Variants in SEC14L4 observed in about 807,000 individuals in gnomAD.
SEC14L4 encodes the protein SEC14 like lipid binding 4.
In SEC14L4, 42 loss-of-function variants were observed where a neutral mutation model predicts 55.1. The observed-to-expected ratio is 0.76, with a 90% CI of 0.60 to 0.99. The LOEUF is 0.99. Among genes scored for constraint, SEC14L4 ranks in the 50% least tolerant of loss-of-function variants. The probability of loss-of-function intolerance (pLI) is 0.00; values close to 1 mark genes in which losing one functional copy is unlikely to be tolerated. For synonymous variants in SEC14L4, 206 were observed against 206.8 expected (o/e 1.00, Z 0.03); for missense variants, 445 against 512.1 (o/e 0.87, Z 1.27).
At chr22:30,501,125 G>A (rs770226663) in intron 2 of SEC14L4, among the ~76,000 whole-genome samples, 2 of 152,104 alleles carry the variant, frequency 1.3e-5, no homozygotes, top group Admixed American at 6.5e-5. Context: ...CATGAGGCCC[G>A]GGAGAGGGTC....
At chr22:30,496,788 A>G (rs537641315) in intron 2 of SEC14L4, among the ~76,000 whole-genome samples, 4 of 152,340 alleles carry the variant, frequency 2.6e-5, no homozygotes, top group South Asian at 4.1e-4. Flanking sequence ...TGTTTGGCCC[A>G]ATACCTGGCT....
At chr22:30,493,194 C>T (rs888163964) in intron 7 of SEC14L4, among the ~76,000 whole-genome samples, 1 of 152,044 alleles carries the variant, frequency 6.6e-6, no homozygotes, top group African/African-American at 2.4e-5. Flanking sequence ...AATATTGATT[C>T]CCCAACAGTA....
chr22:30,492,060 A>G lies in SEC14L4; in HGVS notation c.760T>C (p.Cys254Arg). The change falls in exon 9 of 12, where the codon TGC becomes CGC. Residue 254 changes from cysteine to arginine, a missense_variant. Physicochemically the swap from Cys to Arg is radical, Grantham distance 180 (BLOSUM62 -3). Coordinates refer to ENST00000255858, the MANE Select transcript of SEC14L4 (RefSeq NM_174977.4). ...TMTDPDGNPK[C>R]LTKINYGGEV... ...TGGGCACCCTGTACCTTGGTCAGGC[A>G]CTTGGGGTTGCCATCGGGGTCAGTC... 1.2e-6 allele frequency: 2 copies of G among 1,613,770 alleles called. No homozygotes were observed. Among genetic ancestry groups the G allele is most frequent in the Non-Finnish European group, 1.7e-6 (2 of 1,179,810 alleles).
In SEC14L4 at chr22:30,495,248, G is replaced by A; in HGVS notation, c.423+6C>T. ...GATGAGGCCCAGCCCCACCCCCGCT[G>A]CTCACCTTCTGAGTTTGCAGCTCAC... On this transcript the variant is annotated splice_donor_region_variant and intron_variant, in intron 5 of 11. Coordinates refer to ENST00000255858, the MANE Select transcript of SEC14L4 (RefSeq NM_174977.4). 6.2e-7 allele frequency: 1 copy of A among 1,601,962 alleles called. No homozygotes were observed.
chr22:30,505,195 CCAAA>C (rs1320219463), intron 1 of SEC14L4, among the ~76,000 whole-genome samples: 1 of 151,784 alleles, frequency 6.6e-6, no homozygotes, highest in African/African-American at 2.4e-5. Flanking sequence ...CAAAGAGAAG[CCAAA>C]CAAACAAATG....
intron 7 of SEC14L4, 108 bp downstream of exon 7, chr22:30,494,042 G>A: frequency 1.2e-6 from 1 of 820,480 alleles, no homozygotes; most frequent in Non-Finnish European, 2.1e-6. Flanking sequence ...ACAAAACCTG[G>A]TTCTTCACAA....
intron 2 of SEC14L4, among the ~76,000 whole-genome samples, chr22:30,501,841 ACG>A (rs1261712200): frequency 5.1e-4 from 48 of 94,834 alleles, no homozygotes; most frequent in Non-Finnish European, 8.4e-4. Context: ...ATACACACAC[ACG>A]CACATATATA....
intron 3 of SEC14L4, 42 bp downstream of exon 3, chr22:30,495,886 C>T (rs1456553498): frequency 1.2e-6 from 2 of 1,603,072 alleles, no homozygotes; most frequent in Admixed American, 3.4e-5. Flanking sequence ...CCCTGGGTCA[C>T]AGTGCATGGA....
intron 11 of SEC14L4, 119 bp from the exon 12 acceptor site, chr22:30,490,365 G>A: frequency 6.6e-7 from 1 of 1,507,938 alleles, no homozygotes; most frequent in Non-Finnish European, 8.9e-7. Flanking sequence ...GGAACGTCCT[G>A]CATCCCTGGA....
chr22:30,505,421 T>C (rs1936458003), intron 1 of SEC14L4, 137 bp downstream of exon 1: 3 of 907,404 alleles, frequency 3.3e-6, no homozygotes, highest in Non-Finnish European at 5.2e-6. Flanking sequence ...AACCGCACGC[T>C]GGACCAGAGG....
At chr22:30,496,199 T>G (rs1383724275) in intron 2 of SEC14L4, among the ~76,000 whole-genome samples, 2 of 152,156 alleles carry the variant, frequency 1.3e-5, no homozygotes, top group African/African-American at 2.4e-5. Context: ...TAGCTTACTG[T>G]GGCCTCTGGC....
chr22:30,504,061 ATTAT>A (rs1159147552), intron 1 of SEC14L4, among the ~76,000 whole-genome samples: 1 of 148,594 alleles, frequency 6.7e-6, no homozygotes, highest in African/African-American at 2.5e-5. Flanking sequence ...TATTATTATT[ATTAT>A]TATTATTATT....
At position 30,495,980 on chromosome 22, in the gene SEC14L4, A is replaced by C; in HGVS notation, c.131-9T>G. 6.2e-7 allele frequency: 1 copy of C among 1,613,750 alleles called. No individual in the cohort carries two copies. The highest frequency in any genetic ancestry group is 8.5e-7 in the Non-Finnish European group (1 of 1,179,762). ...CAGGTCAAAGTTTCGAGCTGCAAGA[A>C]GAGGAGGTAAATAGAAGCTCAAGGC... On this transcript the variant is annotated splice_polypyrimidine_tract_variant and intron_variant, in intron 2 of 11. Coordinates refer to ENST00000255858, the MANE Select transcript of SEC14L4 (RefSeq NM_174977.4).
chr22:30,492,098 A>G lies in SEC14L4; in HGVS notation c.722T>C (p.Phe241Ser), dbSNP rs1305373356. The change falls in exon 9 of 12, where the codon TTT becomes TCT. Residue 241 changes from phenylalanine to serine, a missense_variant. By Grantham distance (155) the Phe-to-Ser change is radical. Transcript: ENST00000255858. ...ATCGGGGTCAGTCATGGTCCCCCCA[A>G]ACTCCACAGGCAGCTGGTCGGGGCT... ...FISPDQLPVE[F>S]GGTMTDPDGN... 6.2e-7 allele frequency: 1 copy of G among 1,613,794 alleles called. No homozygotes were observed.
Position 30,489,796 on chromosome 22 carries a change from G to A in SEC14L4, c.*311C>T. 6.9e-7 allele frequency: 1 copy of A among 1,441,828 alleles called. No individual in the cohort carries two copies. Among genetic ancestry groups the A allele is most frequent in the African/African-American group, 1.4e-5 (1 of 70,966 alleles). The allele number at this position is 1,441,828 out of a possible 1,614,324, so 89.3% of individuals were successfully genotyped here. ...CTGGGTGGCTGGATCTTGTCAAGAT[G>A]GGTGAAAGGGCAGCTTCTGCAAGCA... On this transcript the variant is annotated 3_prime_UTR_variant, in exon 12 of 12. Coordinates refer to ENST00000255858, the MANE Select transcript of SEC14L4 (RefSeq NM_174977.4).
chr22:30,491,513 AG>A lies in SEC14L4; in HGVS notation c.1081+59del, dbSNP rs1935951006. The stretch of plus-strand genomic sequence containing the variant: ...CCACCCTCCCGAGAGCTGGAAAGAG[AG>A]GGCAAGCAGAGGGGAGACTGGCAGG... On this transcript the variant is annotated intron_variant, in intron 11 of 11. Transcript: ENST00000255858. 1.9e-6 allele frequency: 3 copies of A among 1,595,910 alleles called. No individual in the cohort carries two copies. In the Admixed American group the frequency reaches 5.0e-5, roughly 27 times the overall value.
chr22:30,505,397 G>GTA (rs1180086516), intron 1 of SEC14L4, among the ~76,000 whole-genome samples, 161 bp downstream of exon 1: 1 of 152,162 alleles, frequency 6.6e-6, no homozygotes, highest in Non-Finnish European at 1.5e-5. Context: ...CGTGCTGCAC[G>GTA]TAGCCGCCTC....
At chr22:30,490,419 G>T in intron 11 of SEC14L4, 173 bp from the exon 12 acceptor site, 1 of 1,044,048 alleles carries the variant, frequency 9.6e-7, no homozygotes, top group Non-Finnish European at 1.4e-6. Flanking sequence ...GGGGCCTGAG[G>T]GCCAGCCTGT....
intron 2 of SEC14L4, among the ~76,000 whole-genome samples, chr22:30,498,953 A>T (rs59571413): frequency 0.038 from 5,829 of 151,606 alleles, 156 homozygotes; most frequent in African/African-American, 0.068. Context: ...TATTATTATT[A>T]TTTTTTTGAT....
Sources: gnomAD v4.1 joint callset for allele counts (sites outside exome capture counted in the v4.1 genomes callset) on GRCh38, gnomAD v4.1.1 for gene constraint, MANE v1.5 for transcripts, NCBI Gene and HGNC (gene_info 2026-07-23, HGNC 2026-07-21) for gene names.